DGKI: variants seen among roughly 807,000 people sequenced by gnomAD.
DGKI encodes diacylglycerol kinase iota.
In DGKI, 55 loss-of-function variants were observed where a neutral mutation model predicts 147.5. The ratio of observed to expected loss-of-function variants is 0.37; its 90% CI spans 0.30 to 0.47. The LOEUF (loss-of-function observed/expected upper bound fraction) is 0.47. Ranked by LOEUF, DGKI falls within the 20% of genes least tolerant of loss-of-function variation. The probability of loss-of-function intolerance (pLI) is 1.00; values close to 1 mark genes in which losing one functional copy is unlikely to be tolerated. For missense variants in DGKI, 1,007 were observed against 1,323.8 expected (o/e 0.76, Z 3.71); for synonymous variants, 469 against 477.1 (o/e 0.98, Z 0.22).
intron 1 of DGKI, among the ~76,000 whole-genome samples, chr7:137,804,182 G>A (rs1797296341): frequency 6.6e-6 from 1 of 152,172 alleles, no homozygotes; most frequent in South Asian, 2.1e-4. Context: ...GAAGCAGTGT[G>A]GCATTGACTT....
At chr7:137,501,101 T>C (rs962290017) in intron 21 of DGKI, among the ~76,000 whole-genome samples, 1 of 152,176 alleles carries the variant, frequency 6.6e-6, no homozygotes, top group Non-Finnish European at 1.5e-5. Context: ...CCCCTAGATA[T>C]GAGACAGAAT....
At chr7:137,391,477 T>C (rs771250144) in intron 32 of DGKI, 141 bp from the exon 33 acceptor site, 2 of 605,264 alleles carry the variant, frequency 3.3e-6, no homozygotes, top group Non-Finnish European at 5.8e-6. Context: ...GTAAGGATCC[T>C]TTCACATTTG....
At chr7:137,404,360 A>T (rs1248008386) in intron 30 of DGKI, among the ~76,000 whole-genome samples, 2 of 152,228 alleles carry the variant, frequency 1.3e-5, no homozygotes, top group African/African-American at 4.8e-5. Flanking sequence ...AAGATAAGAT[A>T]GACATCAAAA....
At chr7:137,772,629 A>G (rs1003524267) in intron 1 of DGKI, among the ~76,000 whole-genome samples, 1 of 152,216 alleles carries the variant, frequency 6.6e-6, no homozygotes, top group African/African-American at 2.4e-5. Flanking sequence ...AGGTTTCATC[A>G]CATGTATTGC....
intron 6 of DGKI, among the ~76,000 whole-genome samples, 163 bp from the exon 7 acceptor site, chr7:137,623,717 T>G (rs551954513): frequency 6.6e-6 from 1 of 152,254 alleles, no homozygotes; most frequent in South Asian, 2.1e-4. Flanking sequence ...CACCACACTC[T>G]CCACTTTCTG....
intron 30 of DGKI, among the ~76,000 whole-genome samples, chr7:137,407,332 C>G (rs1811993572): frequency 6.6e-6 from 1 of 152,112 alleles, no homozygotes; most frequent in African/African-American, 2.4e-5. Flanking sequence ...AGAAAGCAGT[C>G]TGGAAGGTTA....
At chr7:137,619,730 T>C (rs1297704531) in intron 8 of DGKI, 94 bp downstream of exon 8, 5 of 913,206 alleles carry the variant, frequency 5.5e-6, no homozygotes, top group East Asian at 2.4e-5. Flanking sequence ...ACTGAGGTCA[T>C]AGGAACCCAA....
At chr7:137,521,758 C>G (rs1585195264) in intron 21 of DGKI, 108 bp downstream of exon 21, 2 of 791,460 alleles carry the variant, frequency 2.5e-6, no homozygotes, top group East Asian at 5.5e-5. Flanking sequence ...CTTCTCTAAC[C>G]ATGATTTTCA....
intron 2 of DGKI, among the ~76,000 whole-genome samples, chr7:137,689,673 A>G (rs1453938493): frequency 1.3e-5 from 2 of 152,252 alleles, no homozygotes; most frequent in African/African-American, 4.8e-5. Flanking sequence ...CAAATGATTC[A>G]GGAAGCTTTT....
At chr7:137,697,165 G>A (rs1326471386) in intron 1 of DGKI, among the ~76,000 whole-genome samples, 1 of 152,128 alleles carries the variant, frequency 6.6e-6, no homozygotes, top group Non-Finnish European at 1.5e-5. Context: ...CTTTGTTATG[G>A]CAACCCTAGC....
chr7:137,767,293 T>A (rs1218603288), intron 1 of DGKI, among the ~76,000 whole-genome samples: 2 of 151,898 alleles, frequency 1.3e-5, no homozygotes, highest in African/African-American at 4.8e-5. Flanking sequence ...AAACAGCTAC[T>A]GGGCTTTTAA....
At chr7:137,502,690 GA>G (rs1816221452) in intron 21 of DGKI, among the ~76,000 whole-genome samples, 1 of 152,000 alleles carries the variant, frequency 6.6e-6, no homozygotes, top group African/African-American at 2.4e-5. Flanking sequence ...TTAAAATGAG[GA>G]AAATGAGTCT....
At chr7:137,754,513 G>C (rs994933400) in intron 1 of DGKI, among the ~76,000 whole-genome samples, 1 of 152,156 alleles carries the variant, frequency 6.6e-6, no homozygotes, top group African/African-American at 2.4e-5. Flanking sequence ...AGCAAGGGAC[G>C]TTTGTTTTAC....
At chr7:137,745,308 C>T (rs1795291591) in intron 1 of DGKI, among the ~76,000 whole-genome samples, 1 of 152,120 alleles carries the variant, frequency 6.6e-6, no homozygotes, top group Admixed American at 6.5e-5. Flanking sequence ...AGACTACGTC[C>T]AAAGAAATCA....
intron 20 of DGKI, among the ~76,000 whole-genome samples, chr7:137,524,539 TG>T (rs59017522): frequency 0.06 from 9,139 of 152,184 alleles, 674 homozygotes; most frequent in African/African-American, 0.18. Context: ...AGTGACCACA[TG>T]GTGTTCACAT....
At chr7:137,646,518 G>T (rs1206717030) in intron 5 of DGKI, among the ~76,000 whole-genome samples, 5 of 152,214 alleles carry the variant, frequency 3.3e-5, no homozygotes, top group African/African-American at 1.2e-4. Context: ...TTCACCACTG[G>T]TTCTCAGGAT....
chr7:137,728,314 C>T (rs181860843), intron 1 of DGKI, among the ~76,000 whole-genome samples: 241 of 152,210 alleles, frequency 1.6e-3, no homozygotes, highest in Non-Finnish European at 2.5e-3. Flanking sequence ...GCACCACAAG[C>T]TCAGAAACCA....
intron 10 of DGKI, among the ~76,000 whole-genome samples, chr7:137,607,338 C>T (rs1820215650): frequency 1.3e-5 from 2 of 152,166 alleles, no homozygotes; most frequent in Non-Finnish European, 2.9e-5. Flanking sequence ...GTGTCATTTA[C>T]AAGATGTCTT....
chr7:137,465,821 T>C, intron 26 of DGKI, 87 bp downstream of exon 26: 1 of 1,484,628 alleles, frequency 6.7e-7, no homozygotes, highest in South Asian at 1.3e-5. Flanking sequence ...TCATTTGATG[T>C]CATTAGAACG....
Sources: gnomAD v4.1 joint callset for allele counts (sites outside exome capture counted in the v4.1 genomes callset) on GRCh38, gnomAD v4.1.1 for gene constraint, MANE v1.5 for transcripts, NCBI Gene and HGNC (gene_info 2026-07-23, HGNC 2026-07-21) for gene names.